Variants in VMP1 observed in about 807,000 individuals in gnomAD.
VMP1 encodes ectopic P-granules autophagy protein 3 homolog.
VMP1 carries 11 observed loss-of-function variants against 56.0 expected under a neutral mutation model. The ratio of observed to expected loss-of-function variants is 0.20; its 90% CI spans 0.12 to 0.32. The LOEUF (loss-of-function observed/expected upper bound fraction) is 0.32, where lower values mean the gene tolerates loss of function less well. Ranked by LOEUF, VMP1 falls within the 10% of genes least tolerant of loss-of-function variation. VMP1 has a pLI of 1.00. For missense variants in VMP1, 296 were observed against 490.3 expected (o/e 0.60, Z 3.74); for synonymous variants, 149 against 165.0 (o/e 0.90, Z 0.74).
intron 6 of VMP1, among the ~76,000 whole-genome samples, chr17:59,768,556 T>G (rs543157415): frequency 1.3e-4 from 20 of 151,370 alleles, no homozygotes; most frequent in Admixed American, 2.6e-4. Context: ...TGAGCTGAGA[T>G]CACACCATTG....
intron 10 of VMP1, among the ~76,000 whole-genome samples, chr17:59,834,892 A>G (rs1297209348): frequency 2.6e-5 from 4 of 151,020 alleles, no homozygotes; most frequent in Non-Finnish European, 5.9e-5. Context: ...CCAAAGTGCT[A>G]GGATTACAGG....
chr17:59,832,761 A>ATTTTTTTTTTTTTTTTTTTT (rs71145580), intron 10 of VMP1, among the ~76,000 whole-genome samples: 4 of 101,346 alleles, frequency 3.9e-5, no homozygotes, highest in Non-Finnish European at 7.5e-5. Context: ...GCCTGGCAAT[A>ATTTTTTTTTTTTTTTTTTTT]TTTTTTTTTT....
intron 6 of VMP1, among the ~76,000 whole-genome samples, chr17:59,766,350 A>G (rs1302110067): frequency 1.3e-5 from 2 of 152,106 alleles, no homozygotes; most frequent in Non-Finnish European, 2.9e-5. Context: ...CTAAAAATAC[A>G]CAGATTAGCC....
chr17:59,719,276 G>T (rs980686938), intron 1 of VMP1, among the ~76,000 whole-genome samples: 1 of 151,846 alleles, frequency 6.6e-6, no homozygotes, highest in Non-Finnish European at 1.5e-5. Flanking sequence ...CTGTGACCAT[G>T]CTACTGCACT....
At chr17:59,807,191 G>GTTTTTTTTTTT (rs1457969471) in intron 7 of VMP1, among the ~76,000 whole-genome samples, 2 of 142,746 alleles carry the variant, frequency 1.4e-5, no homozygotes, top group Non-Finnish European at 3.1e-5. Context: ...CTTCTTTTTT[G>GTTTTTTTTTTT]TTTTTTTGTT....
At chr17:59,718,343 C>G (rs1216060421) in intron 1 of VMP1, among the ~76,000 whole-genome samples, 1 of 151,492 alleles carries the variant, frequency 6.6e-6, no homozygotes, top group Non-Finnish European at 1.5e-5. Context: ...ATTACAGGCG[C>G]CTGCCACCAC....
At chr17:59,806,661 G>A (rs1248711827) in intron 7 of VMP1, among the ~76,000 whole-genome samples, 1 of 147,774 alleles carries the variant, frequency 6.8e-6, no homozygotes, top group Admixed American at 6.9e-5. Context: ...TTTGCAGTGA[G>A]CCAAGATCAT....
Position 59,751,353 on chromosome 17 carries a change from G to GT in VMP1, c.414+12407dup, listed in dbSNP as rs550702593. On this transcript the variant is annotated intron_variant, in intron 5 of 11. Transcript: ENST00000262291. Reference sequence around the variant, plus strand: ...GGAAATTATATCCAGAGTAAGAATAGTAAGTCAATGTTTGCATAAAGAGAA... The same window carrying GT: ...GGAAATTATATCCAGAGTAAGAATAGTTAAGTCAATGTTTGCATAAAGAGAA... Among the ~76,000 whole-genome samples, 86 of 152,250 alleles carry GT rather than the reference G, an allele frequency of 5.6e-4. 1 individual carries two copies. Among genetic ancestry groups the GT allele is most frequent in the Non-Finnish European group, 2.2e-4 (15 of 68,012 alleles).
intron 5 of VMP1, among the ~76,000 whole-genome samples, chr17:59,749,586 C>G (rs938280040): frequency 2.0e-5 from 3 of 151,788 alleles, no homozygotes; most frequent in Non-Finnish European, 2.9e-5. Context: ...TCTCAGCTCA[C>G]TGCAATCTCC....
At chr17:59,835,318 A>G (rs1272437069) in intron 10 of VMP1, among the ~76,000 whole-genome samples, 2 of 150,610 alleles carry the variant, frequency 1.3e-5, no homozygotes, top group Admixed American at 6.6e-5. Flanking sequence ...TAGTAGAGAC[A>G]GGGTTTCACT....
At chr17:59,837,678 ACTAGTGGGAGGTGCCTCC>A (rs1238185510) in intron 10 of VMP1, 1 of 152,172 alleles carries the variant, frequency 6.6e-6, no homozygotes, top group East Asian at 1.9e-4. Context: ...CTGACTTCTG[ACTAGTGGGAGGTGCCTCC>A]CAAGTTTGCT....
intron 7 of VMP1, among the ~76,000 whole-genome samples, chr17:59,781,604 T>A (rs1266959951): frequency 2.0e-5 from 3 of 152,180 alleles, no homozygotes; most frequent in African/African-American, 7.2e-5. Context: ...ATCATATTGT[T>A]TGTTGTTTTG....
rs201304021 is a variant in VMP1 at position 59,839,929 on chromosome 17, C to T, written c.*18C>T. Reference sequence around the variant, plus strand: ...CTAAATAAGTAGAGAAAGTTTTAAACTGCAGAAATTGGAGTGGATGGGTTC... The same window carrying T: ...CTAAATAAGTAGAGAAAGTTTTAAATTGCAGAAATTGGAGTGGATGGGTTC... On this transcript the variant is annotated 3_prime_UTR_variant, in exon 12 of 12. Coordinates refer to ENST00000262291, the MANE Select transcript of VMP1 (RefSeq NM_030938.5). 2 of 1,607,662 alleles carry T rather than the reference C, an allele frequency of 1.2e-6. No individual in the cohort carries two copies. The highest frequency in any genetic ancestry group is 1.3e-5 in the African/African-American group (1 of 74,628).
rs112911537 is a variant in VMP1 at position 59,839,981 on chromosome 17, C to T, written c.*70C>T. 18,895 of 1,565,484 alleles carry T rather than the reference C, an allele frequency of 0.012. 151 individuals are homozygous for T. The highest frequency in any genetic ancestry group is 0.019 in the Middle Eastern group (110 of 5,914). On this transcript the variant is annotated 3_prime_UTR_variant, in exon 12 of 12. Transcript: ENST00000262291. ...GCCTTAAATTGGGAGGACTCCAAGC[C>T]GGGAAGGAAAATTCCCTTTTCCAAC...
intron 6 of VMP1, among the ~76,000 whole-genome samples, chr17:59,771,438 T>A (rs2036421286): frequency 6.6e-6 from 1 of 152,150 alleles, no homozygotes; most frequent in African/African-American, 2.4e-5. Flanking sequence ...AATAATACTT[T>A]GATGAAGGAA....
At chr17:59,783,296 A>G (rs994710626) in intron 7 of VMP1, among the ~76,000 whole-genome samples, 5 of 152,160 alleles carry the variant, frequency 3.3e-5, no homozygotes, top group African/African-American at 1.2e-4. Context: ...TTTAAGGGGG[A>G]AAAAAGATGA....
At chr17:59,756,942 G>A (rs183247838) in intron 5 of VMP1, among the ~76,000 whole-genome samples, 1 of 152,258 alleles carries the variant, frequency 6.6e-6, no homozygotes, top group Admixed American at 6.5e-5. Context: ...GCTACAAAGT[G>A]TGTGAAGAAG....
intron 5 of VMP1, among the ~76,000 whole-genome samples, chr17:59,742,830 G>A (rs1433786535): frequency 3.3e-5 from 5 of 152,106 alleles, no homozygotes; most frequent in Non-Finnish European, 7.4e-5. Flanking sequence ...ATAGGAGCTC[G>A]AACCTTATTG....
intron 8 of VMP1, 93 bp from the exon 9 acceptor site, chr17:59,811,577 C>A: frequency 2.2e-6 from 2 of 914,728 alleles, no homozygotes; most frequent in Non-Finnish European, 3.5e-6. Context: ...GCAGTGTAAG[C>A]AGGCTGAAAG....
Sources: allele counts gnomAD v4.1 joint callset (sites outside exome capture counted in the v4.1 genomes callset), GRCh38; gene constraint gnomAD v4.1.1; transcripts MANE v1.5; gene names NCBI Gene and HGNC (gene_info 2026-07-23, HGNC 2026-07-21).